The following ADH5 variants were observed in gnomAD, a reference collection of about 807,000 sequenced individuals.
The protein encoded by ADH5 is alcohol dehydrogenase class-3.
In ADH5, 32 loss-of-function variants were observed where a neutral mutation model predicts 40.3. That is an observed-to-expected ratio of 0.79 (90% CI 0.60 to 1.07). The LOEUF is 1.07. ADH5 is among the 50% of genes least tolerant of loss of function. The pLI, the probability that ADH5 is intolerant of heterozygous loss-of-function variation, is 0.00. For missense variants in ADH5, 353 were observed against 460.5 expected, an observed-to-expected ratio of 0.77 and a Z score of 2.14; for synonymous variants, 125 against 154.3, an observed-to-expected ratio of 0.81 and a Z score of 1.41.
intron 1 of ADH5, 180 bp from the exon 2 acceptor site, chr4:99,085,396 T>C (rs1055445858): frequency 1.4e-5 from 6 of 427,944 alleles, no homozygotes; most frequent in Non-Finnish European, 2.5e-5. Context: ...TCAAAAATGA[T>C]TTAATTGAGA....
At chr4:99,088,241 C>T (rs962157716) in intron 1 of ADH5, among the ~76,000 whole-genome samples, 2 of 152,166 alleles carry the variant, frequency 1.3e-5, no homozygotes. Flanking sequence ...ATAATTAAGG[C>T]GTAGGCTCAA....
rs748458712 is a variant in ADH5 at position 99,088,692 on chromosome 4, G to A, written c.9C>T (p.Asn3=). Residue 3 remains asparagine (N), a synonymous_variant, in exon 1 of 9, where the codon AAC becomes AAT. Coordinates refer to ENST00000296412, the MANE Select transcript of ADH5 (RefSeq NM_000671.4). ...CCCTCCGCTCAACGGGCCCTACCTC[G>A]TTCGCCATGTTCACGGATTCTGGTC... MA[N]EVIKCKAAVA... 37 of 1,606,858 alleles carry A rather than the reference G, an allele frequency of 2.3e-5. 1 individual carries two copies. The highest frequency in any genetic ancestry group is 2.9e-5 in the Non-Finnish European group (34 of 1,176,046).
chr4:99,078,271 T>G (rs1413780353), intron 4 of ADH5, among the ~76,000 whole-genome samples: 1 of 152,178 alleles, frequency 6.6e-6, no homozygotes, highest in African/African-American at 2.4e-5. Context: ...ACTCTTAAAC[T>G]CTTTCGAACA....
At chr4:99,074,138 AC>A (rs1351629909) in intron 7 of ADH5, among the ~76,000 whole-genome samples, 3 of 152,160 alleles carry the variant, frequency 2.0e-5, no homozygotes, top group African/African-American at 4.8e-5. Context: ...TTAAAAGACA[AC>A]CCGTTAAACA....
At chr4:99,088,541 G>T in intron 1 of ADH5, 148 bp downstream of exon 1, 2 of 736,792 alleles carry the variant, frequency 2.7e-6, no homozygotes, top group Non-Finnish European at 4.1e-6. Flanking sequence ...CTGCCCCTCT[G>T]AGCCGCTCGC....
chr4:99,088,669 C>A lies in ADH5; in HGVS notation c.12+20G>T, dbSNP rs759544558. On this transcript the variant is annotated intron_variant, in intron 1 of 8. Coordinates refer to ENST00000296412, the MANE Select transcript of ADH5 (RefSeq NM_000671.4). The stretch of plus-strand genomic sequence containing the variant: ...CACTCCCTCCCTTGGACTCAGGGCC[C>A]TCCGCTCAACGGGCCCTACCTCGTT... 6.2e-7 allele frequency: 1 copy of A among 1,606,884 alleles called. No individual in the cohort carries two copies. Among genetic ancestry groups the A allele is most frequent in the Non-Finnish European group, 8.5e-7 (1 of 1,175,830 alleles).
rs1284108442 is a variant in ADH5 at position 99,076,538 on chromosome 4, A to G, written c.579T>C (p.Ser193=). The G allele has an allele frequency of 1.2e-6, 2 of 1,613,678 alleles. No individual in the cohort carries two copies. Among genetic ancestry groups the G allele is most frequent in the Non-Finnish European group, 1.7e-6 (2 of 1,179,750 alleles). Residue 193 remains serine (S), a synonymous_variant, in exon 6 of 9, where the codon TCT becomes TCC. Transcript: ENST00000296412. The part of the protein sequence containing the change: ...AVNTAKLEPG[S]VCAVFGLGGV... ...CTCCCAGACCAAAGACGGCACAAAC[A>G]GAGCCAGGCTCCAACTAGGAGTAAA...
At chr4:99,088,616 G>A (rs1021441448) in intron 1 of ADH5, 73 bp downstream of exon 1, 2 of 1,437,528 alleles carry the variant, frequency 1.4e-6, no homozygotes, top group African/African-American at 1.5e-5. Context: ...GCGCGCCCCC[G>A]AGGATAGCAG....
intron 4 of ADH5, chr4:99,079,865 G>A (rs899273556): frequency 5.0e-5 from 19 of 383,292 alleles, no homozygotes; most frequent in South Asian, 3.1e-4. Flanking sequence ...TCAGAAGCAC[G>A]TCTTTCCTTA....
chr4:99,071,113 A>AATT lies in ADH5; in HGVS notation c.*1301_*1303dup, dbSNP rs1327812912. ...TGTCTAGAATAAAAGAACTCCTAAA[A>AATT]ATTATTCAGAGAAAAATAATTCAAT... On this transcript the variant is annotated 3_prime_UTR_variant, in exon 9 of 9. Coordinates refer to ENST00000296412, the MANE Select transcript of ADH5 (RefSeq NM_000671.4). 1 of 152,248 alleles carries AATT rather than the reference A, an allele frequency of 6.6e-6. No homozygotes were observed. The highest frequency in any genetic ancestry group is 2.4e-5 in the African/African-American group (1 of 41,466). 9.4% of individuals were successfully genotyped at this position (152,248 alleles called of 1,614,324 possible). A position where few individuals can be genotyped will look rare whatever the true frequency, so the allele number is the denominator to read the frequency against.
At chr4:99,077,444 G>A (rs939440757) in intron 4 of ADH5, among the ~76,000 whole-genome samples, 2 of 152,090 alleles carry the variant, frequency 1.3e-5, no homozygotes, top group Non-Finnish European at 2.9e-5. Flanking sequence ...GCAGTGAGCC[G>A]TGACTGTGCC....
intron 7 of ADH5, among the ~76,000 whole-genome samples, chr4:99,074,170 CTA>C (rs777370367): frequency 1.3e-5 from 2 of 152,222 alleles, no homozygotes; most frequent in South Asian, 2.1e-4. Flanking sequence ...AAAACACACA[CTA>C]TGTGATTTTT....
intron 2 of ADH5, among the ~76,000 whole-genome samples, chr4:99,084,681 T>C (rs1237923001): frequency 3.9e-5 from 6 of 152,356 alleles, no homozygotes; most frequent in Admixed American, 2.0e-4. Context: ...CTTTATCCTA[T>C]GAACTCACTC....
intron 1 of ADH5, among the ~76,000 whole-genome samples, chr4:99,087,272 C>T (rs553316664): frequency 7.2e-4 from 109 of 151,986 alleles, no homozygotes; most frequent in Non-Finnish European, 1.1e-3. Flanking sequence ...ATCCCAGCTA[C>T]TCGGGAGGCT....
intron 2 of ADH5, among the ~76,000 whole-genome samples, chr4:99,082,890 C>G (rs888302366): frequency 1.3e-5 from 2 of 152,162 alleles, no homozygotes; most frequent in African/African-American, 4.8e-5. Context: ...GCTGGCCAGG[C>G]TGGTCTTGAA....
intron 4 of ADH5, among the ~76,000 whole-genome samples, chr4:99,077,861 G>A (rs1727957684): frequency 6.6e-6 from 1 of 152,180 alleles, no homozygotes; most frequent in Non-Finnish European, 1.5e-5. Context: ...CCACCCTAAA[G>A]TCAGAGCACT....
chr4:99,080,361 G>T, intron 4 of ADH5: 1 of 181,706 alleles, frequency 5.5e-6, no homozygotes, highest in Non-Finnish European at 1.1e-5. Context: ...GGGGATCCTG[G>T]GACAGGGAGG....
intron 4 of ADH5, chr4:99,079,824 C>T (rs1727995107): frequency 2.8e-6 from 1 of 356,674 alleles, no homozygotes; most frequent in Non-Finnish European, 5.4e-6. Flanking sequence ...ACTTACTGGG[C>T]AGTGGTTCAT....
intron 4 of ADH5, 59 bp downstream of exon 4, chr4:99,081,306 T>C: frequency 8.7e-7 from 1 of 1,145,358 alleles, no homozygotes; most frequent in African/African-American, 1.5e-5. Context: ...TCGGTCTCTG[T>C]GATTCCTTAA....
Sources: allele counts gnomAD v4.1 joint callset (sites outside exome capture counted in the v4.1 genomes callset), GRCh38; gene constraint gnomAD v4.1.1; transcripts MANE v1.5; gene names NCBI Gene and HGNC (gene_info 2026-07-23, HGNC 2026-07-21).